Variants in COL4A2 observed in about 807,000 individuals in gnomAD.
COL4A2 encodes collagen alpha-2(IV) chain.
In COL4A2, 99 loss-of-function variants were observed where a neutral mutation model predicts 200.2. That is an observed-to-expected ratio of 0.49 (90% CI 0.42 to 0.58). The LOEUF (loss-of-function observed/expected upper bound fraction) is 0.58. Among genes scored for constraint, COL4A2 ranks in the 20% least tolerant of loss-of-function variants. The pLI is 0.00. For missense variants in COL4A2, 1,950 were observed against 2,314.1 expected (o/e 0.84, Z 3.23); for synonymous variants, 897 against 900.6 (o/e 1.00, Z 0.07).
intron 32 of COL4A2, 122 bp downstream of exon 32, chr13:110,482,781 G>A: frequency 9.6e-7 from 1 of 1,043,354 alleles, no homozygotes; most frequent in Non-Finnish European, 1.4e-6. Flanking sequence ...GAACCCTAAA[G>A]CTAGACAAAA....
chr13:110,366,113 C>T (rs1271544284), intron 4 of COL4A2, among the ~76,000 whole-genome samples: 1 of 152,192 alleles, frequency 6.6e-6, no homozygotes, highest in Non-Finnish European at 1.5e-5. Context: ...AAGCATTTCC[C>T]CCTCTCTGCT....
At chr13:110,480,876 CT>C (rs1445089107) in intron 31 of COL4A2, among the ~76,000 whole-genome samples, 1 of 152,016 alleles carries the variant, frequency 6.6e-6, no homozygotes, top group African/African-American at 2.4e-5. Context: ...TCTTCCATTG[CT>C]GGAGACACAC....
intron 27 of COL4A2, 149 bp from the exon 28 acceptor site, chr13:110,469,068 G>C: frequency 7.7e-6 from 6 of 778,024 alleles, no homozygotes; most frequent in Non-Finnish European, 1.2e-5. Flanking sequence ...CATTCTGTAA[G>C]CCTGGAGGTG....
intron 29 of COL4A2, among the ~76,000 whole-genome samples, chr13:110,476,032 G>A (rs2139516732): frequency 6.6e-6 from 1 of 152,366 alleles, no homozygotes; most frequent in African/African-American, 2.4e-5. Context: ...AGAAGGGGAG[G>A]AAGGGCAGCG....
intron 3 of COL4A2, among the ~76,000 whole-genome samples, chr13:110,329,493 A>G (rs1875806064): frequency 6.6e-6 from 1 of 152,120 alleles, no homozygotes; most frequent in Non-Finnish European, 1.5e-5. Context: ...GGTGCCACAT[A>G]TTTGTTGTGG....
chr13:110,501,762 G>A lies in COL4A2; in HGVS notation c.3855G>A (p.Ala1285=), dbSNP rs368030370. 4.6e-5 allele frequency: 74 copies of A among 1,613,494 alleles called. No homozygotes were observed. The Admixed American group carries it at 7.2e-4, about 16-fold the overall frequency. ...CTGGGGCACCTGGTGACAAAGGGGC[G>A]CCAGGGATATTTGGCCTGAAAGGTA... ...NISGAPGDKG[A]PGIFGLKGYR... is the part of the protein sequence containing the mutation. The change falls in exon 41 of 48, where the codon GCG becomes GCA. Residue 1285 remains alanine, a synonymous_variant. Transcript: ENST00000360467.
At chr13:110,414,164 C>G (rs750695340) in intron 4 of COL4A2, among the ~76,000 whole-genome samples, 4 of 152,162 alleles carry the variant, frequency 2.6e-5, no homozygotes, top group Non-Finnish European at 2.9e-5. Context: ...ACAGCAAAAC[C>G]CTGACTCAAA....
At chr13:110,382,886 T>G (rs1018278069) in intron 4 of COL4A2, among the ~76,000 whole-genome samples, 1 of 152,264 alleles carries the variant, frequency 6.6e-6, no homozygotes, top group Non-Finnish European at 1.5e-5. Flanking sequence ...TTAAAGATTT[T>G]TACTCAGCTT....
At chr13:110,395,698 A>G (rs1052688566) in intron 4 of COL4A2, among the ~76,000 whole-genome samples, 23 of 152,114 alleles carry the variant, frequency 1.5e-4, no homozygotes, top group Non-Finnish European at 3.1e-4. Flanking sequence ...TAATCCCAAC[A>G]CTTTAGGAGG....
rs1370657731 is a variant in COL4A2, at chr13:110,449,572, C to G, written c.1079-107C>G. On this transcript the variant is annotated intron_variant, in intron 18 of 47. Coordinates refer to ENST00000360467, the MANE Select transcript of COL4A2 (RefSeq NM_001846.4). ...TCTTAACTCCTCATCAGGCCGCATA[C>G]AGCATATGGAGCATTTGGTAAATAT... 2.8e-6 allele frequency: 3 copies of G among 1,073,308 alleles called. No homozygotes were observed. The Admixed American group carries it at 8.8e-5, about 31-fold the overall frequency. The allele number at this position is 1,073,308 out of a possible 1,614,324, so 66.5% of individuals were successfully genotyped here. A position where few individuals can be genotyped will look rare whatever the true frequency, so the allele number is the denominator to read the frequency against.
chr13:110,459,390 G>A lies in COL4A2; in HGVS notation c.1596+456G>A, dbSNP rs184932781. 808 of 155,150 alleles carry A rather than the reference G, an allele frequency of 5.2e-3. 2 individuals carry two copies. The highest frequency in any genetic ancestry group is 0.02 in the South Asian group (99 of 5,034). 9.6% of individuals were successfully genotyped at this position (155,150 alleles called of 1,614,324 possible). ...ACCACAGAATAGCCCTGACCTTCAC[G>A]TGGGAGCAAGGTGCTGAGCCATACC... On this transcript the variant is annotated intron_variant, in intron 22 of 47. Transcript: ENST00000360467.
intron 34 of COL4A2, among the ~76,000 whole-genome samples, chr13:110,486,631 G>A (rs189072570): frequency 1.7e-4 from 26 of 152,322 alleles, no homozygotes; most frequent in Admixed American, 1.5e-3. Flanking sequence ...CACCAAACAG[G>A]CTTTGTGTGA....
Position 110,481,861 on chromosome 13 carries a change from C to T in COL4A2, c.2759-655C>T, listed in dbSNP as rs1307063371. ...CTGGAGACACACTGCTCTGTCCCTC[C>T]GTGCTGGAGACACACTGCTCTGTCC... On this transcript the variant is annotated intron_variant, in intron 31 of 47. Coordinates refer to ENST00000360467, the MANE Select transcript of COL4A2 (RefSeq NM_001846.4). Among the ~76,000 whole-genome samples the T allele has an allele frequency of 5.0e-4, 50 of 99,464 alleles. 1 individual carries two copies. Among genetic ancestry groups the T allele is most frequent in the Non-Finnish European group, 8.1e-4 (42 of 51,586 alleles). 65.3% of individuals were successfully genotyped at this position (99,464 alleles called of 152,430 possible).
At chr13:110,488,607 G>A (rs1186623477) in intron 34 of COL4A2, among the ~76,000 whole-genome samples, 2 of 152,218 alleles carry the variant, frequency 1.3e-5, no homozygotes, top group African/African-American at 4.8e-5. Context: ...CAGAGAGCAA[G>A]CTCTGCAGTC....
chr13:110,421,628 G>A (rs910695904), intron 4 of COL4A2, among the ~76,000 whole-genome samples: 3 of 152,182 alleles, frequency 2.0e-5, no homozygotes, highest in Non-Finnish European at 4.4e-5. Flanking sequence ...AAAATGTTTG[G>A]GAACTAGATA....
intron 4 of COL4A2, among the ~76,000 whole-genome samples, chr13:110,384,486 T>C (rs547604465): frequency 2.4e-4 from 37 of 152,332 alleles, no homozygotes; most frequent in African/African-American, 8.9e-4. Context: ...TTGCGGGCCA[T>C]GCTCTCAGGT....
At chr13:110,378,857 G>C (rs926227392) in intron 4 of COL4A2, among the ~76,000 whole-genome samples, 1 of 152,136 alleles carries the variant, frequency 6.6e-6, no homozygotes, top group Admixed American at 6.5e-5. Context: ...TCCACAATGT[G>C]ATCATGGTGG....
At chr13:110,432,097 C>T (rs1189593771) in intron 10 of COL4A2, among the ~76,000 whole-genome samples, 2 of 152,182 alleles carry the variant, frequency 1.3e-5, no homozygotes, top group East Asian at 3.9e-4. Context: ...AAAAGCAAAG[C>T]AGAAACAGCT....
At chr13:110,374,000 A>G (rs1878128884) in intron 4 of COL4A2, among the ~76,000 whole-genome samples, 1 of 152,208 alleles carries the variant, frequency 6.6e-6, no homozygotes, top group Non-Finnish European at 1.5e-5. Flanking sequence ...TCCAGCAATT[A>G]TCCAGCTTGA....
Sources: allele counts gnomAD v4.1 joint callset (sites outside exome capture counted in the v4.1 genomes callset), GRCh38; gene constraint gnomAD v4.1.1; transcripts MANE v1.5; gene names NCBI Gene and HGNC (gene_info 2026-07-23, HGNC 2026-07-21).